DGKB: variants seen among roughly 807,000 people sequenced by gnomAD.
DGKB encodes 90 kDa diacylglycerol kinase.
DGKB carries 67 observed loss-of-function variants against 114.3 expected under a neutral mutation model. That is an observed-to-expected ratio of 0.59 (90% CI 0.48 to 0.72). The LOEUF (loss-of-function observed/expected upper bound fraction) is 0.72, where lower values mean the gene tolerates loss of function less well. Among genes scored for constraint, DGKB ranks in the 30% least tolerant of loss-of-function variants. DGKB has a pLI of 0.00. For synonymous variants in DGKB, 398 were observed against 323.1 expected, an observed-to-expected ratio of 1.23 and a Z score of -2.49; for missense variants, 907 against 975.2, an observed-to-expected ratio of 0.93 and a Z score of 0.93.
At chr7:14,518,166 A>G (rs1789155337) in intron 20 of DGKB, among the ~76,000 whole-genome samples, 1 of 152,318 alleles carries the variant, frequency 6.6e-6, no homozygotes, top group African/African-American at 2.4e-5. Context: ...TTGCAGCAGC[A>G]TGGATGGAAC....
chr7:14,894,126 G>C (rs1587265386), intron 1 of DGKB, among the ~76,000 whole-genome samples: 1 of 151,296 alleles, frequency 6.6e-6, no homozygotes, highest in Non-Finnish European at 1.5e-5. Context: ...GGCCAGGGAA[G>C]TTTATACTAA....
chr7:14,914,881 G>A (rs1441758342), intron 1 of DGKB, among the ~76,000 whole-genome samples: 1 of 151,966 alleles, frequency 6.6e-6, no homozygotes, highest in Non-Finnish European at 1.5e-5. Flanking sequence ...TAGAAATGGA[G>A]AAGATTTAAG....
chr7:14,598,074 C>T (rs955352164), intron 17 of DGKB, among the ~76,000 whole-genome samples: 3 of 152,218 alleles, frequency 2.0e-5, no homozygotes, highest in South Asian at 2.1e-4. Context: ...TAGTGCTAAA[C>T]GTTTATACTG....
intron 25 of DGKB, among the ~76,000 whole-genome samples, chr7:14,173,756 G>T (rs1246739819): frequency 6.6e-6 from 1 of 152,104 alleles, no homozygotes; most frequent in African/African-American, 2.4e-5. Context: ...AGAACCCCAT[G>T]CGGCTGTGGG....
At chr7:14,704,754 G>C (rs1825885654) in intron 6 of DGKB, among the ~76,000 whole-genome samples, 2 of 152,080 alleles carry the variant, frequency 1.3e-5, no homozygotes, top group Non-Finnish European at 2.9e-5. Context: ...CTGCAGCTGA[G>C]GGTCCTGTCT....
rs1033950523 is a variant in DGKB at position 14,387,503 on chromosome 7, C to A, written c.1836-42112G>T. Among the ~76,000 whole-genome samples the A allele has an allele frequency of 5.9e-5, 9 of 151,924 alleles. No individual in the cohort carries two copies. The East Asian group carries it at 1.8e-3, about 30-fold the overall frequency. ...TCTGGGTTCACTGAAGCCTCAATTT[C>A]CTGGGCTAAAGCAATCCTCCCACCT... is the stretch of plus-strand genomic sequence containing the variant. On this transcript the variant is annotated intron_variant, in intron 21 of 25. Coordinates refer to ENST00000402815, the MANE Select transcript of DGKB (RefSeq NM_001350709.2).
intron 23 of DGKB, among the ~76,000 whole-genome samples, chr7:14,229,461 C>T (rs576144378): frequency 2.0e-4 from 30 of 151,826 alleles, no homozygotes; most frequent in Admixed American, 3.3e-4. Context: ...AGTAAGAATA[C>T]GGTATTATAA....
intron 13 of DGKB, among the ~76,000 whole-genome samples, chr7:14,654,637 G>C (rs1317211780): frequency 6.6e-6 from 1 of 151,908 alleles, no homozygotes; most frequent in Non-Finnish European, 1.5e-5. Context: ...ATATCACAAA[G>C]CAATAGTAAC....
At chr7:14,720,205 T>C (rs1057485812) in intron 5 of DGKB, among the ~76,000 whole-genome samples, 6 of 152,190 alleles carry the variant, frequency 3.9e-5, no homozygotes, top group African/African-American at 9.6e-5. Context: ...AAAATTTTTC[T>C]CAAACACCAT....
intron 2 of DGKB, among the ~76,000 whole-genome samples, chr7:14,787,685 T>C (rs138446445): frequency 4.8e-4 from 73 of 152,314 alleles, no homozygotes; most frequent in African/African-American, 1.8e-3. Flanking sequence ...CTGAAGGTGC[T>C]GACAAGAAAT....
intron 13 of DGKB, among the ~76,000 whole-genome samples, chr7:14,653,320 C>A (rs1482535732): frequency 6.6e-6 from 1 of 151,986 alleles, no homozygotes; most frequent in Non-Finnish European, 1.5e-5. Context: ...GAATACTATG[C>A]AGCCATAAAA....
intron 23 of DGKB, among the ~76,000 whole-genome samples, chr7:14,226,258 A>T (rs1182868970): frequency 6.6e-6 from 1 of 151,494 alleles, no homozygotes; most frequent in Non-Finnish European, 1.5e-5. Flanking sequence ...CTAGTTACTC[A>T]TTTTTTTTCT....
intron 20 of DGKB, among the ~76,000 whole-genome samples, chr7:14,537,354 T>C (rs1343471271): frequency 6.6e-6 from 1 of 151,970 alleles, no homozygotes; most frequent in Non-Finnish European, 1.5e-5. Context: ...AGACCACAAA[T>C]AGCCAGAGCA....
At chr7:14,372,684 T>C (rs1352234191) in intron 21 of DGKB, among the ~76,000 whole-genome samples, 3 of 152,078 alleles carry the variant, frequency 2.0e-5, no homozygotes, top group Non-Finnish European at 2.9e-5. Flanking sequence ...ATTATATTTA[T>C]ATTTATTAAT....
At chr7:14,681,940 G>A (rs1820905458) in intron 12 of DGKB, among the ~76,000 whole-genome samples, 1 of 151,982 alleles carries the variant, frequency 6.6e-6, no homozygotes, top group East Asian at 1.9e-4. Context: ...GAAAGAGGAA[G>A]GCAACAATAT....
At chr7:14,355,965 T>G (rs1814395191) in intron 21 of DGKB, among the ~76,000 whole-genome samples, 1 of 152,166 alleles carries the variant, frequency 6.6e-6, no homozygotes, top group Non-Finnish European at 1.5e-5. Context: ...ACTTGCTATT[T>G]GTCTATTCAC....
At chr7:14,750,221 T>C (rs1422082391) in intron 4 of DGKB, 1 of 499,622 alleles carries the variant, frequency 2.0e-6, no homozygotes, top group South Asian at 1.5e-5. Flanking sequence ...AAAGCATAAT[T>C]TTCTAAACAG....
At chr7:14,879,901 T>C (rs1460358800) in intron 1 of DGKB, among the ~76,000 whole-genome samples, 2 of 152,176 alleles carry the variant, frequency 1.3e-5, no homozygotes, top group Non-Finnish European at 2.9e-5. Flanking sequence ...TAAAAAATTA[T>C]ATATAATTTC....
intron 21 of DGKB, among the ~76,000 whole-genome samples, chr7:14,444,015 G>C (rs541493016): frequency 6.6e-6 from 1 of 151,012 alleles, no homozygotes; most frequent in Admixed American, 6.6e-5. Flanking sequence ...ACTCCTTTTA[G>C]CTGTGTTTAA....
Sources: gnomAD v4.1 joint callset for allele counts (sites outside exome capture counted in the v4.1 genomes callset) on GRCh38, gnomAD v4.1.1 for gene constraint, MANE v1.5 for transcripts, NCBI Gene and HGNC (gene_info 2026-07-23, HGNC 2026-07-21) for gene names.